The following KHDRBS2 variants were observed in gnomAD, a reference collection of about 807,000 sequenced individuals.
KHDRBS2 encodes the protein KH RNA binding domain containing, signal transduction associated 2, also known as KH domain-containing, RNA-binding, signal transduction-associated protein 2.
In KHDRBS2, 26 loss-of-function variants were observed where a neutral mutation model predicts 44.3. That is an observed-to-expected ratio of 0.59 (90% confidence interval 0.43 to 0.81). The LOEUF (loss-of-function observed/expected upper bound fraction) is 0.81. Among genes scored for constraint, KHDRBS2 ranks in the 40% least tolerant of loss-of-function variants. The pLI, the probability that KHDRBS2 is intolerant of heterozygous loss-of-function variation, is 0.00. For synonymous variants in KHDRBS2, 194 were observed against 151.1 expected (o/e 1.28, Z -2.08); for missense variants, 476 against 433.1 (o/e 1.10, Z -0.88).
chr6:61,563,121 T>A, the KHDRBS2 span, among the ~76,000 whole-genome samples: 5 of 152,288 alleles, frequency 3.3e-5, no homozygotes, highest in South Asian at 2.1e-4. Flanking sequence ...TCCCCAGCTA[T>A]CTTTCTCCTC....
chr6:62,092,130 A>C (rs1301749071), intron 2 of KHDRBS2, among the ~76,000 whole-genome samples: 1 of 150,350 alleles, frequency 6.7e-6, no homozygotes, highest in Non-Finnish European at 1.5e-5. Flanking sequence ...TTTTTTTTTT[A>C]ATCTTCTGCT....
At chr6:61,758,222 A>G (rs1219432422) in intron 6 of KHDRBS2, among the ~76,000 whole-genome samples, 1 of 152,136 alleles carries the variant, frequency 6.6e-6, no homozygotes, top group Non-Finnish European at 1.5e-5. Flanking sequence ...TGTCTCTCAG[A>G]GATCACTGTT....
chr6:61,648,928 T>C, the KHDRBS2 span, among the ~76,000 whole-genome samples: 1 of 152,152 alleles, frequency 6.6e-6, no homozygotes, highest in Admixed American at 6.6e-5. Flanking sequence ...AGTATTTCCA[T>C]CCCTATGCTA....
At chr6:61,974,792 A>G (rs1297250567) in intron 4 of KHDRBS2, among the ~76,000 whole-genome samples, 2 of 151,850 alleles carry the variant, frequency 1.3e-5, no homozygotes, top group African/African-American at 2.4e-5. Flanking sequence ...TTAGCTGGGC[A>G]TGGTAACATG....
chr6:62,243,329 C>A lies in KHDRBS2; in HGVS notation c.91+42529G>T, dbSNP rs536379290. Among the ~76,000 whole-genome samples the A allele has an allele frequency of 2.4e-3, 361 of 149,276 alleles. 1 individual carries two copies. Among genetic ancestry groups the A allele is most frequent in the African/African-American group, 7.9e-3 (328 of 41,270 alleles). ...CAGTGAACTTCTTGATAGTGACTGA[C>A]ATGGTGCAGTTATATGTGCTCATGG... is the stretch of plus-strand genomic sequence containing the variant. On this transcript the variant is annotated intron_variant, in intron 1 of 8. Transcript: ENST00000281156.
At chr6:61,634,280 G>T in the KHDRBS2 span, among the ~76,000 whole-genome samples, 483 of 136,292 alleles carry the variant, frequency 3.5e-3, 2 homozygotes, top group Non-Finnish European at 5.7e-3. Flanking sequence ...AAAAAAAAAA[G>T]TTGGAAATGG....
chr6:62,281,542 C>G (rs1452176828), intron 1 of KHDRBS2, among the ~76,000 whole-genome samples: 1 of 152,088 alleles, frequency 6.6e-6, no homozygotes, highest in Non-Finnish European at 1.5e-5. Context: ...ATTGCTTGAA[C>G]CCAGGAGGCA....
chr6:62,172,506 A>G (rs1820219795), intron 2 of KHDRBS2, among the ~76,000 whole-genome samples: 2 of 152,018 alleles, frequency 1.3e-5, no homozygotes, highest in Admixed American at 1.3e-4. Flanking sequence ...CACACCACTG[A>G]CAGTACTAGA....
the KHDRBS2 span, among the ~76,000 whole-genome samples, chr6:61,551,207 G>T: frequency 6.6e-6 from 1 of 152,046 alleles, no homozygotes. Flanking sequence ...TTTTTTCAAT[G>T]GGGTTGATTG....
At chr6:61,754,145 T>C (rs1457595567) in intron 6 of KHDRBS2, among the ~76,000 whole-genome samples, 1 of 152,146 alleles carries the variant, frequency 6.6e-6, no homozygotes, top group Non-Finnish European at 1.5e-5. Flanking sequence ...GGTAGTTTGT[T>C]ACAGCAGCAT....
chr6:62,112,994 A>AT (rs886801191), intron 2 of KHDRBS2, among the ~76,000 whole-genome samples: 15 of 152,066 alleles, frequency 9.9e-5, no homozygotes, highest in East Asian at 3.9e-4. Context: ...GCTACCTATC[A>AT]TTTTTTTTAA....
At chr6:61,664,322 A>G in the KHDRBS2 span, among the ~76,000 whole-genome samples, 1 of 151,804 alleles carries the variant, frequency 6.6e-6, no homozygotes, top group African/African-American at 2.4e-5. Context: ...TTTTGGATAT[A>G]GCAGTATTAT....
At position 62,076,172 on chromosome 6, in the gene KHDRBS2, T is replaced by A. The variant is rs1796298656; in HGVS notation, c.220-28178A>T. On this transcript the variant is annotated intron_variant, in intron 2 of 8. Transcript: ENST00000281156. ...CAAACTGATTTTTGGATTAAAGAGT[T>A]TTTTCATAGATGATAAAAATGGATT... Among the ~76,000 whole-genome samples, 2 of 151,886 alleles carry A rather than the reference T, an allele frequency of 1.3e-5. 1 individual carries two copies. The highest frequency in any genetic ancestry group is 4.1e-4 in the South Asian group (2 of 4,820).
the KHDRBS2 span, among the ~76,000 whole-genome samples, chr6:61,569,242 C>T: frequency 6.6e-6 from 1 of 152,058 alleles, no homozygotes; most frequent in Non-Finnish European, 1.5e-5. Context: ...ATAAGCCCTG[C>T]CCAAGGAAAG....
At chr6:61,993,042 T>A (rs1162139604) in intron 3 of KHDRBS2, among the ~76,000 whole-genome samples, 1 of 152,152 alleles carries the variant, frequency 6.6e-6, no homozygotes, top group Non-Finnish European at 1.5e-5. Context: ...ATATTGAGGC[T>A]GCTACAAAAT....
At chr6:61,685,805 C>T (rs1766753812) in intron 8 of KHDRBS2, among the ~76,000 whole-genome samples, 1 of 151,648 alleles carries the variant, frequency 6.6e-6, no homozygotes, top group South Asian at 2.1e-4. Context: ...GCAGTGGGAC[C>T]AGGTACCTTG....
At position 62,129,560 on chromosome 6, in the gene KHDRBS2, AAC is replaced by A. The variant is rs1201365247; in HGVS notation, c.219+47623_219+47624del. ...CTTAACAACTTCCAAGTTTAAAAAG[AAC>A]ACAGTTTTAAAATATTCTTAAAATA... On this transcript the variant is annotated intron_variant, in intron 2 of 8. Coordinates refer to ENST00000281156, the MANE Select transcript of KHDRBS2 (RefSeq NM_152688.4). Among the ~76,000 whole-genome samples, 6 of 152,194 alleles carry A rather than the reference AAC, an allele frequency of 3.9e-5. No individual in the cohort carries two copies. The East Asian group carries it at 5.8e-4, about 15-fold the overall frequency.
chr6:62,255,623 C>T (rs1837259749), intron 1 of KHDRBS2, among the ~76,000 whole-genome samples: 1 of 144,578 alleles, frequency 6.9e-6, no homozygotes, highest in Admixed American at 6.8e-5. Context: ...CACACACACA[C>T]ACACACACAC....
chr6:61,586,256 T>G, the KHDRBS2 span, among the ~76,000 whole-genome samples: 11 of 152,186 alleles, frequency 7.2e-5, no homozygotes, highest in Non-Finnish European at 4.4e-5. Flanking sequence ...CTACACAAGC[T>G]TCAAGGAGCA....
Sources: allele counts gnomAD v4.1 joint callset (sites outside exome capture counted in the v4.1 genomes callset), GRCh38; gene constraint gnomAD v4.1.1; transcripts MANE v1.5; gene names NCBI Gene and HGNC (gene_info 2026-07-23, HGNC 2026-07-21).